The following TBC1D7 variants were observed in gnomAD, a reference collection of about 807,000 sequenced individuals.
The protein encoded by TBC1D7 is TBC1 domain family member 7.
TBC1D7 carries 33 observed loss-of-function variants against 35.3 expected under a neutral mutation model. The observed-to-expected ratio is 0.93, with a 90% CI of 0.71 to 1.25. The LOEUF (loss-of-function observed/expected upper bound fraction) is 1.25, where lower values mean the gene tolerates loss of function less well. TBC1D7 is among the 50% of genes most tolerant of loss of function. TBC1D7 has a pLI of 0.00. For missense variants in TBC1D7, 362 were observed against 365.3 expected (o/e 0.99, Z 0.07); for synonymous variants, 135 against 129.5 (o/e 1.04, Z -0.29).
chr6:13,316,500 A>G, intron 5 of TBC1D7, 71 bp downstream of exon 5: 1 of 1,515,912 alleles, frequency 6.6e-7, no homozygotes, highest in African/African-American at 1.4e-5. Flanking sequence ...CCAGGAGGTA[A>G]GAGCACTCCC....
Position 13,320,897 on chromosome 6 carries a change from T to C in TBC1D7, c.381+11A>G. On this transcript the variant is annotated intron_variant, in intron 4 of 7. Transcript: ENST00000379300. The stretch of plus-strand genomic sequence containing the variant: ...AGTTGAGCTTAGTGTCAGACAAAAG[T>C]GACCACTAACCAGTGGAAAAGAGGG... 1 of 1,613,170 alleles carries C rather than the reference T, an allele frequency of 6.2e-7. No individual in the cohort carries two copies. The highest frequency in any genetic ancestry group is 1.1e-5 in the South Asian group (1 of 91,072).
rs77180388 is a variant in TBC1D7, at chr6:13,305,504, C to T, written c.796-317G>A. The stretch of plus-strand genomic sequence containing the variant: ...CTTCACAGAGCTGTTCACAGTAGGA[C>T]ATGAGGTAACCCATGGAAAATACTT... On this transcript the variant is annotated intron_variant, in intron 7 of 7. Coordinates refer to ENST00000379300, the MANE Select transcript of TBC1D7 (RefSeq NM_016495.6). 2.6e-4 allele frequency: 105 copies of T among 406,856 alleles called. 1 individual carries two copies. The highest frequency in any genetic ancestry group is 2.1e-3 in the African/African-American group (101 of 47,844). 25.2% of individuals were successfully genotyped at this position (406,856 alleles called of 1,614,324 possible).
At chr6:13,327,001 T>C in intron 1 of TBC1D7, 95 bp from the exon 2 acceptor site, 1 of 689,532 alleles carries the variant, frequency 1.5e-6, no homozygotes, top group Non-Finnish European at 2.4e-6. Flanking sequence ...TAATTTTCAA[T>C]GATGTTCTCC....
intron 3 of TBC1D7, 84 bp from the exon 4 acceptor site, chr6:13,321,179 A>T: frequency 8.5e-7 from 1 of 1,172,408 alleles, no homozygotes; most frequent in Non-Finnish European, 1.2e-6. Flanking sequence ...GGATGCCGTG[A>T]GAAGCGACCC....
intron 5 of TBC1D7, among the ~76,000 whole-genome samples, chr6:13,314,939 A>G (rs1159300587): frequency 2.6e-5 from 4 of 152,264 alleles, no homozygotes; most frequent in Non-Finnish European, 5.9e-5. Context: ...TGTGCAATGC[A>G]GCAAGTACCA....
At chr6:13,307,819 A>G (rs1371231450) in intron 5 of TBC1D7, 74 bp from the exon 6 acceptor site, 3 of 1,421,204 alleles carry the variant, frequency 2.1e-6, no homozygotes, top group African/African-American at 2.9e-5. Context: ...GTCTCTGATG[A>G]AAAAAAAGTA....
In TBC1D7 at chr6:13,318,522, T is replaced by A. The variant is rs570942482; in HGVS notation, c.382-1814A>T. ...CCAATAAGTGAAATTTAAAGATGATTGCTTAAATTATTCCAATTATTTTTT... is the reference window on the plus strand; with the variant it reads ...CCAATAAGTGAAATTTAAAGATGATAGCTTAAATTATTCCAATTATTTTTT... On this transcript the variant is annotated intron_variant, in intron 4 of 7. Transcript: ENST00000379300. 5.9e-5 allele frequency among the ~76,000 whole-genome samples: 9 copies of A among 152,378 alleles called. No homozygotes were observed. In the East Asian group the frequency reaches 1.5e-3, roughly 26 times the overall value.
At chr6:13,322,464 A>G (rs1055340461) in intron 3 of TBC1D7, among the ~76,000 whole-genome samples, 7 of 152,126 alleles carry the variant, frequency 4.6e-5, no homozygotes, top group Admixed American at 1.3e-4. Context: ...GGGAATAACA[A>G]TATCTAATAT....
At chr6:13,311,386 T>C (rs1490967886) in intron 5 of TBC1D7, among the ~76,000 whole-genome samples, 1 of 152,226 alleles carries the variant, frequency 6.6e-6, no homozygotes, top group Non-Finnish European at 1.5e-5. Context: ...CAGGATAGTA[T>C]GGCAGAATAG....
At chr6:13,307,951 T>C (rs1472715388) in intron 5 of TBC1D7, among the ~76,000 whole-genome samples, 2 of 152,186 alleles carry the variant, frequency 1.3e-5, no homozygotes, top group Non-Finnish European at 2.9e-5. Context: ...CTGAGGAGTT[T>C]CCCAGGACAC....
At chr6:13,327,887 C>G (rs1467763952) in intron 1 of TBC1D7, 1 of 152,152 alleles carries the variant, frequency 6.6e-6, no homozygotes, top group Admixed American at 6.5e-5. Flanking sequence ...TTTAAAAACC[C>G]TGCGACGTCC....
chr6:13,307,458 G>A lies in TBC1D7; in HGVS notation c.665+142C>T, dbSNP rs1486015188. On this transcript the variant is annotated intron_variant, in intron 6 of 7. Transcript: ENST00000379300. The stretch of plus-strand genomic sequence containing the variant: ...TCAAGAATAAGCAGAATCATGTGCT[G>A]TTACGGTAGCTGCTGGAGGACTGAG... 27 of 796,780 alleles carry A rather than the reference G, an allele frequency of 3.4e-5. No homozygotes were observed. The Admixed American group carries it at 5.1e-4, about 15-fold the overall frequency. 49.4% of individuals were successfully genotyped at this position (796,780 alleles called of 1,614,324 possible).
chr6:13,325,972 T>C (rs939572499), intron 2 of TBC1D7, among the ~76,000 whole-genome samples: 1 of 152,190 alleles, frequency 6.6e-6, no homozygotes, highest in African/African-American at 2.4e-5. Flanking sequence ...ATACCAGACA[T>C]ACTAAAGCAA....
At chr6:13,315,395 C>T (rs1783530453) in intron 5 of TBC1D7, among the ~76,000 whole-genome samples, 1 of 152,210 alleles carries the variant, frequency 6.6e-6, no homozygotes, top group East Asian at 1.9e-4. Flanking sequence ...TACCTCATTA[C>T]AGGAATATAC....
At chr6:13,324,121 TGTTTG>T (rs1177438989) in intron 3 of TBC1D7, among the ~76,000 whole-genome samples, 1 of 148,042 alleles carries the variant, frequency 6.8e-6, no homozygotes, top group African/African-American at 2.5e-5. Context: ...AGTTTTTTTT[TGTTTG>T]TTTTTTGTTT....
intron 5 of TBC1D7, among the ~76,000 whole-genome samples, chr6:13,310,364 G>A (rs1045093728): frequency 2.6e-5 from 4 of 152,210 alleles, no homozygotes; most frequent in East Asian, 1.9e-4. Flanking sequence ...TAGGCTGGGC[G>A]TGGTGGCTCA....
rs147490659 is a variant in TBC1D7 at position 13,324,133 on chromosome 6, G to A, written c.193+961C>T. On this transcript the variant is annotated intron_variant, in intron 3 of 7. Transcript: ENST00000379300. ...GTAAGTTTTTTTTTGTTTGTTTTTT[G>A]TTTTTTTTTTTGGAGACGGAGTCTC... 6.4e-3 allele frequency among the ~76,000 whole-genome samples: 944 copies of A among 146,500 alleles called. 11 individuals carry two copies. Among genetic ancestry groups the A allele is most frequent in the African/African-American group, 0.022 (894 of 40,076 alleles).
chr6:13,314,364 G>A (rs1783450259), intron 5 of TBC1D7, among the ~76,000 whole-genome samples: 1 of 152,164 alleles, frequency 6.6e-6, no homozygotes, highest in Admixed American at 6.5e-5. Context: ...GGGAAACATG[G>A]ATTCATCTGA....
At chr6:13,310,562 T>C (rs1225484339) in intron 5 of TBC1D7, among the ~76,000 whole-genome samples, 3 of 148,688 alleles carry the variant, frequency 2.0e-5, no homozygotes, top group Non-Finnish European at 4.4e-5. Context: ...CACTTGAACC[T>C]GGGAGGCAGA....
Sources: allele counts gnomAD v4.1 joint callset (sites outside exome capture counted in the v4.1 genomes callset), GRCh38; gene constraint gnomAD v4.1.1; transcripts MANE v1.5; gene names NCBI Gene and HGNC (gene_info 2026-07-23, HGNC 2026-07-21).